PHF21B: variants seen among roughly 807,000 people sequenced by gnomAD.
PHF21B encodes the protein PHD finger protein 4.
A neutral mutation model predicts 62.2 loss-of-function variants in PHF21B; 22 were observed. That is an observed-to-expected ratio of 0.35 (90% CI 0.25 to 0.51). The LOEUF (loss-of-function observed/expected upper bound fraction) is 0.51. PHF21B is among the 20% of genes least tolerant of loss of function. The probability of loss-of-function intolerance (pLI) is 0.97; values close to 1 mark genes in which losing one functional copy is unlikely to be tolerated. For missense variants in PHF21B, 701 were observed against 707.9 expected, an observed-to-expected ratio of 0.99 and a Z score of 0.11; for synonymous variants, 341 against 314.7, an observed-to-expected ratio of 1.08 and a Z score of -0.88.
intron 9 of PHF21B, 21 bp from the exon 10 acceptor site, chr22:44,888,142 G>A (rs1235469300): frequency 1.3e-6 from 2 of 1,499,658 alleles, no homozygotes; most frequent in Non-Finnish European, 1.8e-6. Flanking sequence ...AGGGAGGGCA[G>A]GAGACAGGTC....
chr22:44,885,723 C>T (rs905985349), intron 11 of PHF21B, 140 bp downstream of exon 11: 2 of 1,082,834 alleles, frequency 1.8e-6, no homozygotes. Context: ...CAGGACCGGT[C>T]CCAGGATCCC....
intron 2 of PHF21B, among the ~76,000 whole-genome samples, chr22:44,994,105 G>A (rs944610774): frequency 1.3e-5 from 2 of 152,254 alleles, no homozygotes; most frequent in African/African-American, 4.8e-5. Flanking sequence ...CTGCTGCTGC[G>A]TCGGCCCGGG....
intron 2 of PHF21B, among the ~76,000 whole-genome samples, chr22:44,976,223 G>A (rs893560270): frequency 2.0e-5 from 3 of 152,242 alleles, no homozygotes; most frequent in Non-Finnish European, 4.4e-5. Flanking sequence ...ATGGGGTACA[G>A]TAGGATATTT....
At chr22:44,979,612 GGCTCCTCCA>G (rs1355802827) in intron 2 of PHF21B, among the ~76,000 whole-genome samples, 2 of 152,160 alleles carry the variant, frequency 1.3e-5, no homozygotes, top group Non-Finnish European at 2.9e-5. Flanking sequence ...CTCCCCTCTT[GGCTCCTCCA>G]GCTCCTTCCC....
chr22:44,927,202 A>G (rs2147329512), intron 2 of PHF21B, among the ~76,000 whole-genome samples: 1 of 152,194 alleles, frequency 6.6e-6, no homozygotes, highest in South Asian at 2.1e-4. Context: ...TCAGTTACCA[A>G]GAAAGGGACA....
chr22:44,992,389 A>G (rs2073055501), intron 2 of PHF21B, among the ~76,000 whole-genome samples: 1 of 152,242 alleles, frequency 6.6e-6, no homozygotes, highest in Admixed American at 6.5e-5. Context: ...AGAGTGAGCC[A>G]CTGAGACTGG....
intron 1 of PHF21B, chr22:45,008,818 A>T: frequency 8.5e-7 from 1 of 1,180,988 alleles, no homozygotes; most frequent in Admixed American, 4.6e-5. Context: ...TCATCGGGGC[A>T]GCTCGCGGGG....
chr22:44,939,130 A>G (rs1027267990), intron 2 of PHF21B, among the ~76,000 whole-genome samples: 20 of 152,218 alleles, frequency 1.3e-4, no homozygotes, highest in Admixed American at 2.6e-4. Flanking sequence ...CCTCCAGTAG[A>G]AAACTCAAGA....
intron 2 of PHF21B, among the ~76,000 whole-genome samples, chr22:44,940,374 C>T (rs2071932223): frequency 6.6e-6 from 1 of 152,238 alleles, no homozygotes; most frequent in Non-Finnish European, 1.5e-5. Context: ...CCGCCAGCCC[C>T]ATCACAGGCA....
intron 1 of PHF21B, 38 bp from the exon 2 acceptor site, chr22:45,008,648 C>G (rs767187460): frequency 6.5e-7 from 1 of 1,541,276 alleles, no homozygotes; most frequent in African/African-American, 1.4e-5. Context: ...GGCAGGCCAC[C>G]CGGGGTCAGG....
intron 2 of PHF21B, among the ~76,000 whole-genome samples, chr22:44,993,508 G>C (rs965750053): frequency 6.6e-6 from 1 of 152,240 alleles, no homozygotes; most frequent in Non-Finnish European, 1.5e-5. Context: ...GTCAACCGGA[G>C]AACAGGCCAC....
chr22:44,962,396 C>T (rs2072441350), intron 2 of PHF21B, among the ~76,000 whole-genome samples: 2 of 152,330 alleles, frequency 1.3e-5, no homozygotes, highest in African/African-American at 2.4e-5. Context: ...AACATCATAG[C>T]CTAGCCCAGC....
At chr22:45,005,065 C>T in intron 2 of PHF21B, among the ~76,000 whole-genome samples, 1 of 152,242 alleles carries the variant, frequency 6.6e-6, no homozygotes, top group African/African-American at 2.4e-5. Context: ...CTCGGAACTC[C>T]GAAGAGGGGA....
At chr22:45,007,746 C>G in intron 2 of PHF21B, among the ~76,000 whole-genome samples, 1 of 28,988 alleles carries the variant, frequency 3.4e-5, no homozygotes, top group East Asian at 8.7e-4. Context: ...GGAGGGGGCG[C>G]GGCGGGGGAG....
At position 45,009,602 on chromosome 22, in the gene PHF21B, G is replaced by A; in HGVS notation, c.-53C>T. ...TCACTTTGGCCCGGGCTCCCGGGAA[G>A]TTGCGCGGCTCCGCGGGGGCCAGAG... On this transcript the variant is annotated 5_prime_UTR_variant, in exon 1 of 13. Coordinates refer to ENST00000313237, the MANE Select transcript of PHF21B (RefSeq NM_138415.5). This position sits in a 1 kb window ranked among gnomAD's most constrained non-coding sequence, Gnocchi z 5.9. 1 of 1,505,444 alleles carries A rather than the reference G, an allele frequency of 6.6e-7. No individual in the cohort carries two copies. Among genetic ancestry groups the A allele is most frequent in the Admixed American group, 2.2e-5 (1 of 45,570 alleles). 93.3% of individuals were successfully genotyped at this position (1,505,444 alleles called of 1,614,324 possible).
chr22:44,986,098 T>G (rs1425697031), intron 2 of PHF21B, among the ~76,000 whole-genome samples: 1 of 144,006 alleles, frequency 6.9e-6, no homozygotes, highest in African/African-American at 2.7e-5. Flanking sequence ...ACAACCATCC[T>G]CATCACCACC....
At chr22:44,894,843 G>A (rs896852103) in intron 6 of PHF21B, among the ~76,000 whole-genome samples, 3 of 152,158 alleles carry the variant, frequency 2.0e-5, no homozygotes, top group Non-Finnish European at 2.9e-5. Flanking sequence ...CTGTCCCCGC[G>A]CGCTGGGCTC....
In PHF21B at chr22:44,916,586, C is replaced by T. The variant is rs1364789754; in HGVS notation, c.258G>A (p.Pro86=). Residue 86 remains proline, a synonymous_variant, in exon 4 of 13, where the codon CCG becomes CCA. Transcript: ENST00000313237. ...GCTGCTTGGGTGGCCGGTCCCGGCC[C>T]GGGGCAACGGGGAGGCTGTCTGGAA... ...TLIPDSLPVA[P]GRDRPPKQPP... is the part of the protein sequence containing the mutation. 7.5e-6 allele frequency: 12 copies of T among 1,604,510 alleles called. No individual in the cohort carries two copies. Among genetic ancestry groups the T allele is most frequent in the Admixed American group, 5.0e-5 (3 of 59,944 alleles).
At chr22:44,892,131 C>T (rs556593681) in intron 7 of PHF21B, among the ~76,000 whole-genome samples, 11 of 152,116 alleles carry the variant, frequency 7.2e-5, no homozygotes, top group African/African-American at 1.5e-4. Flanking sequence ...TTTTCATGAA[C>T]GAACAAATCT....
Sources: allele counts gnomAD v4.1 joint callset (sites outside exome capture counted in the v4.1 genomes callset), GRCh38; gene constraint gnomAD v4.1.1; non-coding constraint Gnocchi (gnomAD v3.1); transcripts MANE v1.5; gene names NCBI Gene and HGNC (gene_info 2026-07-23, HGNC 2026-07-21).